The following KY variants were observed in gnomAD, a reference collection of about 807,000 sequenced individuals.
The protein encoded by KY is kyphoscoliosis peptidase.
KY carries 43 observed loss-of-function variants against 76.1 expected under a neutral mutation model. That is an observed-to-expected ratio of 0.57 (90% CI 0.44 to 0.73). The LOEUF is 0.73. KY is among the 30% of genes least tolerant of loss of function. The pLI, the probability that KY is intolerant of heterozygous loss-of-function variation, is 0.00. For synonymous variants in KY, 277 were observed against 326.2 expected (o/e 0.85, Z 1.63); for missense variants, 722 against 828.9 (o/e 0.87, Z 1.58).
At chr3:134,614,490 G>T (rs1476041572) in intron 8 of KY, among the ~76,000 whole-genome samples, 3 of 151,922 alleles carry the variant, frequency 2.0e-5, no homozygotes, top group African/African-American at 4.8e-5. Context: ...CAATATCAGG[G>T]CTCAGGGACC....
At chr3:134,609,439 G>A (rs1391579818) in intron 9 of KY, among the ~76,000 whole-genome samples, 4 of 152,172 alleles carry the variant, frequency 2.6e-5, no homozygotes, top group Non-Finnish European at 5.9e-5. Context: ...CGAGCCCTGC[G>A]TGTAGGATGT....
intron 3 of KY, among the ~76,000 whole-genome samples, chr3:134,637,026 T>G (rs893406239): frequency 1.3e-5 from 2 of 152,226 alleles, no homozygotes; most frequent in African/African-American, 4.8e-5. Context: ...CTGTCTTTTT[T>G]GTGTAGCTCA....
At chr3:134,641,979 G>A (rs1370954612) in intron 3 of KY, among the ~76,000 whole-genome samples, 1 of 152,196 alleles carries the variant, frequency 6.6e-6, no homozygotes, top group Non-Finnish European at 1.5e-5. Context: ...TCATTTTAGA[G>A]AAGCAACAGG....
intron 8 of KY, among the ~76,000 whole-genome samples, chr3:134,617,492 GACA>G (rs1961771562): frequency 6.6e-6 from 1 of 152,178 alleles, no homozygotes; most frequent in African/African-American, 2.4e-5. Context: ...TAGGATGTAT[GACA>G]ACAACCGAGC....
intron 8 of KY, among the ~76,000 whole-genome samples, chr3:134,617,142 G>A (rs1156906789): frequency 2.0e-5 from 3 of 152,114 alleles, no homozygotes; most frequent in Non-Finnish European, 4.4e-5. Context: ...CTTCAAATCT[G>A]GCATTCCTTC....
Position 134,625,132 on chromosome 3 carries a change from T to C in KY, c.404A>G (p.Tyr135Cys). 1 of 1,595,208 alleles carries C rather than the reference T, an allele frequency of 6.3e-7. No homozygotes were observed. Among genetic ancestry groups the C allele is most frequent in the Non-Finnish European group, 8.5e-7 (1 of 1,170,606 alleles). Reference sequence around the variant, plus strand: ...TTTCAGGCTAGATCGATCCCAGGGGTAGGCTGGAAACACAGGGCACCTTGG... The same window carrying C: ...TTTCAGGCTAGATCGATCCCAGGGGCAGGCTGGAAACACAGGGCACCTTGG... ...RQPGGKDAHA[Y>C]PWDRSSLKSM... The change falls in exon 6 of 11, where the codon TAC (tyrosine) becomes TGC (cysteine). Residue 135 changes from tyrosine to cysteine, a missense_variant. Tyr to Cys is a radical substitution (Grantham distance 194). Transcript: ENST00000423778.
rs1434012252 is a variant in KY, at chr3:134,600,301, G to T, written c.*3278C>A. 6.6e-6 allele frequency among the ~76,000 whole-genome samples: 1 copy of T among 152,210 alleles called. No homozygotes were observed. The highest frequency in any genetic ancestry group is 1.5e-5 in the Non-Finnish European group (1 of 68,040). On this transcript the variant is annotated 3_prime_UTR_variant, in exon 11 of 11. Coordinates refer to ENST00000423778, the MANE Select transcript of KY (RefSeq NM_178554.6). The stretch of plus-strand genomic sequence containing the variant: ...CTGGGAAAACTTTTCTCCTTTTCAA[G>T]TCCTTTGAGAAGAGGATTTCACAAA...
chr3:134,606,923 G>T lies in KY; in HGVS notation c.1090+1726C>A, dbSNP rs531825526. ...CTTCCCTTCCTTTCTGCTCATCTCAGTTTCCCTATTTTGTTTCCTTCCCCT... is the reference window on the plus strand; with the variant it reads ...CTTCCCTTCCTTTCTGCTCATCTCATTTTCCCTATTTTGTTTCCTTCCCCT... On this transcript the variant is annotated intron_variant, in intron 10 of 10. Coordinates refer to ENST00000423778, the MANE Select transcript of KY (RefSeq NM_178554.6). 1.0e-5 allele frequency: 10 copies of T among 984,580 alleles called. No homozygotes were observed. The African/African-American group carries it at 1.8e-4, about 17-fold the overall frequency. 61.0% of individuals were successfully genotyped at this position (984,580 alleles called of 1,614,324 possible).
chr3:134,601,827 T>C lies in KY; in HGVS notation c.*1752A>G, dbSNP rs1004915592. On this transcript the variant is annotated 3_prime_UTR_variant, in exon 11 of 11. Transcript: ENST00000423778. The stretch of plus-strand genomic sequence containing the variant: ...GCAGTGGGGACTTTTAGGGGAGGGA[T>C]CCCGGGGGATAATGAACAGAAGTGT... Among the ~76,000 whole-genome samples the C allele has an allele frequency of 6.6e-6, 1 of 152,086 alleles. No individual in the cohort carries two copies. Among genetic ancestry groups the C allele is most frequent in the Admixed American group, 6.5e-5 (1 of 15,280 alleles).
chr3:134,604,570 CT>C (rs1959119568), intron 10 of KY, 96 bp from the exon 11 acceptor site: 2 of 1,080,336 alleles, frequency 1.9e-6, no homozygotes, highest in Non-Finnish European at 2.7e-6. Flanking sequence ...GAAAAACGTC[CT>C]GACTTATAGA....
intron 6 of KY, among the ~76,000 whole-genome samples, chr3:134,621,867 A>G (rs771360056): frequency 1.3e-5 from 2 of 152,222 alleles, no homozygotes; most frequent in Non-Finnish European, 2.9e-5. Context: ...ACAACTCCAC[A>G]AAAACAAAAC....
chr3:134,650,727 G>T, intron 1 of KY, 98 bp downstream of exon 1: 1 of 1,185,162 alleles, frequency 8.4e-7, no homozygotes, highest in Non-Finnish European at 1.1e-6. Context: ...CGCTGACCTC[G>T]TTCGGGGGAG....
chr3:134,637,218 A>G (rs1256096543), intron 3 of KY, among the ~76,000 whole-genome samples: 1 of 152,246 alleles, frequency 6.6e-6, no homozygotes, highest in Non-Finnish European at 1.5e-5. Context: ...AGCATTTCAG[A>G]GTTCAAGGCA....
At chr3:134,648,744 G>T (rs1966738041) in intron 1 of KY, among the ~76,000 whole-genome samples, 1 of 151,886 alleles carries the variant, frequency 6.6e-6, no homozygotes, top group Non-Finnish European at 1.5e-5. Context: ...CCAGCAGAAG[G>T]CCCTTCCAGC....
At position 134,636,216 on chromosome 3, in the gene KY, T is replaced by A. The variant is rs79129234; in HGVS notation, c.263-6521A>T. On this transcript the variant is annotated intron_variant, in intron 3 of 10. Coordinates refer to ENST00000423778, the MANE Select transcript of KY (RefSeq NM_178554.6). ...GGCTTTTGTTAGATATTGGCAAAAT[T>A]TTCTTATGAATGATTTTATCAATCT... Among the ~76,000 whole-genome samples the A allele has an allele frequency of 4.0e-3, 616 of 152,310 alleles. 3 individuals carry two copies. Among genetic ancestry groups the A allele is most frequent in the African/African-American group, 0.014 (589 of 41,560 alleles).
chr3:134,623,248 TTC>T (rs1308660622), intron 6 of KY, among the ~76,000 whole-genome samples: 3 of 152,170 alleles, frequency 2.0e-5, no homozygotes, highest in Non-Finnish European at 4.4e-5. Flanking sequence ...CCTGGCACTG[TTC>T]TCTGAGTATG....
At chr3:134,617,335 C>A (rs76109744) in intron 8 of KY, among the ~76,000 whole-genome samples, 16 of 152,194 alleles carry the variant, frequency 1.1e-4, no homozygotes, top group African/African-American at 3.6e-4. Context: ...ATTCCACATT[C>A]CATTCCACAT....
At chr3:134,621,181 C>A (rs1962556860) in intron 6 of KY, among the ~76,000 whole-genome samples, 1 of 152,168 alleles carries the variant, frequency 6.6e-6, no homozygotes, top group Non-Finnish European at 1.5e-5. Flanking sequence ...TAATCCTTAT[C>A]AAAATTCCAA....
intron 8 of KY, 174 bp from the exon 9 acceptor site, chr3:134,610,557 C>T: frequency 1.6e-6 from 1 of 610,354 alleles, no homozygotes; most frequent in South Asian, 2.0e-5. Context: ...TCTCGGGGCA[C>T]TGGGGACAGG....
Sources: gnomAD v4.1 joint callset for allele counts (sites outside exome capture counted in the v4.1 genomes callset) on GRCh38, gnomAD v4.1.1 for gene constraint, MANE v1.5 for transcripts, NCBI Gene and HGNC (gene_info 2026-07-23, HGNC 2026-07-21) for gene names.